Variants in RCC1L observed in about 807,000 individuals in gnomAD.
RCC1L encodes RCC1-like G exchanging factor-like protein.
A neutral mutation model predicts 58.6 loss-of-function variants in RCC1L; 46 were observed. The ratio of observed to expected loss-of-function variants is 0.79; its 90% CI spans 0.62 to 1.00. The LOEUF is 1.00. Ranked by LOEUF, RCC1L falls within the 50% of genes least tolerant of loss-of-function variation. The pLI is 0.00. For missense variants in RCC1L, 636 were observed against 623.6 expected, an observed-to-expected ratio of 1.02 and a Z score of -0.21; for synonymous variants, 281 against 262.9, an observed-to-expected ratio of 1.07 and a Z score of -0.67.
At chr7:75,066,017 CAAAAAAAAA>C (rs587689104) in intron 3 of RCC1L, among the ~76,000 whole-genome samples, 2 of 138,930 alleles carry the variant, frequency 1.4e-5, no homozygotes, top group Admixed American at 1.5e-4. Context: ...GACTCTGTCT[CAAAAAAAAA>C]AAAAAGAAAA....
Position 75,042,944 on chromosome 7 carries a change from G to C in RCC1L, c.*88C>G. On this transcript the variant is annotated 3_prime_UTR_variant, in exon 11 of 11. Coordinates refer to ENST00000610322, the MANE Select transcript of RCC1L (RefSeq NM_030798.5). ...AGGGTCCTCCGCCACCACCATCCAAGAACCCCGGGGGGCTGGCCACGCGCT... is the reference window on the plus strand; with the variant it reads ...AGGGTCCTCCGCCACCACCATCCAACAACCCCGGGGGGCTGGCCACGCGCT... The C allele has an allele frequency of 6.2e-7, 1 of 1,602,344 alleles. No homozygotes were observed. Among genetic ancestry groups the C allele is most frequent in the Non-Finnish European group, 8.5e-7 (1 of 1,173,894 alleles).
Position 75,056,086 on chromosome 7 carries a change from T to C in RCC1L, c.1058-12A>G. The C allele has an allele frequency of 6.2e-7, 1 of 1,613,800 alleles. No homozygotes were observed. Among genetic ancestry groups the C allele is most frequent in the Non-Finnish European group, 8.5e-7 (1 of 1,179,822 alleles). On this transcript the variant is annotated splice_polypyrimidine_tract_variant and intron_variant, in intron 8 of 10. Transcript: ENST00000610322. The stretch of plus-strand genomic sequence containing the variant: ...AACATGTCCTTCTCCTACATTACAG[T>C]AAAAACAAGGGTCAGTAAGTCCATC...
At chr7:75,052,888 C>G in intron 9 of RCC1L, 92 bp from the exon 10 acceptor site, 2 of 1,200,554 alleles carry the variant, frequency 1.7e-6, no homozygotes, top group South Asian at 2.6e-5. Flanking sequence ...CTTTCTAGAA[C>G]CAGATACCTA....
chr7:75,063,270 G>A, intron 5 of RCC1L, 22 bp downstream of exon 5: 1 of 1,613,694 alleles, frequency 6.2e-7, no homozygotes, highest in East Asian at 2.2e-5. Context: ...ACAACAAGCA[G>A]CTCTCGGCCC....
chr7:75,043,180 C>T (rs1433690952), intron 10 of RCC1L, 71 bp from the exon 11 acceptor site: 5 of 1,564,758 alleles, frequency 3.2e-6, no homozygotes, highest in Admixed American at 1.7e-5. Flanking sequence ...TGGTGTTGGC[C>T]GACCCGGCCC....
intron 9 of RCC1L, among the ~76,000 whole-genome samples, chr7:75,055,309 T>G (rs960615493): frequency 6.6e-6 from 1 of 152,306 alleles, no homozygotes; most frequent in Non-Finnish European, 1.5e-5. Context: ...TCCTTACCCT[T>G]ACCCTGCAGG....
At chr7:75,041,892 AAG>A (rs1387368339), downstream of RCC1L, among the ~76,000 whole-genome samples, 8 of 151,902 alleles carry the variant, frequency 5.3e-5, 1 homozygote, top group Middle Eastern at 0.017. Flanking sequence ...AGAAAAGAAA[AAG>A]AAAATATTTG....
chr7:75,065,739 C>T (rs150456573), intron 3 of RCC1L, among the ~76,000 whole-genome samples: 175 of 152,132 alleles, frequency 1.2e-3, no homozygotes, highest in African/African-American at 3.9e-3. Flanking sequence ...CACTTCCGGC[C>T]GGGCATAGTG....
intron 10 of RCC1L, among the ~76,000 whole-genome samples, chr7:75,046,632 C>T (rs1208355395): frequency 6.6e-6 from 1 of 152,180 alleles, no homozygotes; most frequent in Admixed American, 6.5e-5. Flanking sequence ...CTGCCCTCAG[C>T]CATGTTTTAT....
intron 6 of RCC1L, among the ~76,000 whole-genome samples, chr7:75,060,607 T>C (rs1228315061): frequency 6.6e-6 from 1 of 152,040 alleles, no homozygotes; most frequent in Non-Finnish European, 1.5e-5. Context: ...ATTTTTGTAT[T>C]TTTAGTAGAG....
downstream of RCC1L, among the ~76,000 whole-genome samples, chr7:75,039,465 T>A (rs1172287759): frequency 6.6e-6 from 1 of 152,196 alleles, no homozygotes; most frequent in African/African-American, 2.4e-5. Context: ...CCTATTGAGG[T>A]TGACAACCTG....
chr7:75,043,251 A>G, intron 10 of RCC1L, 142 bp from the exon 11 acceptor site: 1 of 976,690 alleles, frequency 1.0e-6, no homozygotes, highest in Non-Finnish European at 1.6e-6. Context: ...AGCTTGTCTC[A>G]GTAGGAGACA....
At chr7:75,060,129 G>A (rs879949662) in intron 6 of RCC1L, among the ~76,000 whole-genome samples, 1 of 152,200 alleles carries the variant, frequency 6.6e-6, no homozygotes. Flanking sequence ...CCTATAGTAT[G>A]TAGCCTTTTC....
chr7:75,072,161 CATATAT>C (rs1165938365), intron 1 of RCC1L, among the ~76,000 whole-genome samples: 3,982 of 46,492 alleles, frequency 0.086, 402 homozygotes, highest in Non-Finnish European at 0.13. Context: ...TATACATATA[CATATAT>C]ATATATATAT....
chr7:75,055,632 C>T (rs898113505), intron 9 of RCC1L: 24 of 485,870 alleles, frequency 4.9e-5, no homozygotes, highest in African/African-American at 1.6e-4. Context: ...TTCCTACCAC[C>T]GACGGGTGCT....
intron 10 of RCC1L, among the ~76,000 whole-genome samples, chr7:75,028,975 C>T (rs1805221342): frequency 6.6e-6 from 1 of 151,046 alleles, no homozygotes; most frequent in African/African-American, 2.4e-5. Context: ...GGATCAGAGG[C>T]TTCCAGTGTG....
intron 10 of RCC1L, among the ~76,000 whole-genome samples, chr7:75,052,236 ATGGGCTTC>A (rs1245563504): frequency 2.6e-5 from 4 of 152,106 alleles, no homozygotes; most frequent in African/African-American, 9.7e-5. Flanking sequence ...ATTCCCCCAC[ATGGGCTTC>A]TGTAAACAGC....
rs1165938365 is a variant in RCC1L at position 75,072,161 on chromosome 7, CATATATATATATATAT to C, written c.324+1237_324+1252del. 1.5e-4 allele frequency among the ~76,000 whole-genome samples: 7 copies of C among 46,366 alleles called. 1 individual carries two copies. Among genetic ancestry groups the C allele is most frequent in the African/African-American group, 2.3e-4 (4 of 17,236 alleles). The allele number at this position is 46,366 out of a possible 152,430, so 30.4% of individuals were successfully genotyped here. A position where few individuals can be genotyped will look rare whatever the true frequency, so the allele number is the denominator to read the frequency against. On this transcript the variant is annotated intron_variant, in intron 1 of 10. Transcript: ENST00000610322. ...ATTTATACATATACATATACATATA[CATATATATATATATAT>C]ATATATATATATATGGAGAGAGAGA...
downstream of RCC1L, among the ~76,000 whole-genome samples, chr7:75,040,728 C>T (rs1363406299): frequency 3.3e-5 from 5 of 152,140 alleles, no homozygotes; most frequent in East Asian, 1.9e-4. Context: ...GCCCCAGTAA[C>T]GGTTTCAGGA....
Sources: gnomAD v4.1 joint callset for allele counts (sites outside exome capture counted in the v4.1 genomes callset) on GRCh38, gnomAD v4.1.1 for gene constraint, MANE v1.5 for transcripts, NCBI Gene and HGNC (gene_info 2026-07-23, HGNC 2026-07-21) for gene names.